The following DPP10 variants were observed in gnomAD, a reference collection of about 807,000 sequenced individuals.
The protein encoded by DPP10 is dipeptidyl peptidase like 10.
In DPP10, 33 loss-of-function variants were observed where a neutral mutation model predicts 120.9. The observed-to-expected ratio is 0.27, with a 90% confidence interval of 0.21 to 0.37. DPP10 has a LOEUF of 0.37. Ranked by LOEUF, DPP10 falls within the 10% of genes least tolerant of loss-of-function variation. The pLI, the probability that DPP10 is intolerant of heterozygous loss-of-function variation, is 1.00. For missense variants in DPP10, 816 were observed against 942.8 expected, an observed-to-expected ratio of 0.87 and a Z score of 1.76; for synonymous variants, 337 against 326.1, an observed-to-expected ratio of 1.03 and a Z score of -0.36.
chr2:115,093,585 C>T (rs1055520438), intron 1 of DPP10, among the ~76,000 whole-genome samples: 12 of 151,946 alleles, frequency 7.9e-5, no homozygotes. Context: ...GGAAATAGTA[C>T]ATATCTAATA....
At chr2:115,523,181 G>A (rs1162980636) in intron 4 of DPP10, among the ~76,000 whole-genome samples, 1 of 151,598 alleles carries the variant, frequency 6.6e-6, no homozygotes, top group African/African-American at 2.4e-5. Flanking sequence ...TTTGTGTGCT[G>A]CATAAGCTTG....
At chr2:114,448,169 A>G (rs1195968401) in intron 1 of DPP10, among the ~76,000 whole-genome samples, 1 of 152,212 alleles carries the variant, frequency 6.6e-6, no homozygotes, top group Non-Finnish European at 1.5e-5. Flanking sequence ...TTTATAGCTT[A>G]GATCTTCATA....
intron 1 of DPP10, among the ~76,000 whole-genome samples, chr2:114,791,092 C>T (rs979742753): frequency 6.6e-6 from 1 of 152,058 alleles, no homozygotes; most frequent in Non-Finnish European, 1.5e-5. Context: ...GTAGCCAATT[C>T]CATATTCTGG....
At chr2:115,376,102 G>T (rs1414440470) in intron 3 of DPP10, among the ~76,000 whole-genome samples, 1 of 152,138 alleles carries the variant, frequency 6.6e-6, no homozygotes, top group Non-Finnish European at 1.5e-5. Context: ...AATTGTCTTG[G>T]TGGAGCTATA....
At chr2:114,462,227 A>T in intron 1 of DPP10, 1 of 807,840 alleles carries the variant, frequency 1.2e-6, no homozygotes, top group Non-Finnish European at 1.5e-6. Context: ...ACAGAGCCGT[A>T]TATACCACCC....
chr2:115,421,472 T>G (rs546671607), intron 3 of DPP10, among the ~76,000 whole-genome samples: 1 of 152,298 alleles, frequency 6.6e-6, no homozygotes, highest in Non-Finnish European at 1.5e-5. Flanking sequence ...GCAACATCAG[T>G]TTATTTATAT....
At chr2:115,797,943 A>ACG (rs1559166436) in intron 19 of DPP10, among the ~76,000 whole-genome samples, 1 of 132,200 alleles carries the variant, frequency 7.6e-6, no homozygotes, top group African/African-American at 2.8e-5. Context: ...ATGTGTATAT[A>ACG]TGTGTGTGTG....
chr2:115,319,260 T>TGA (rs2061944593), intron 2 of DPP10, among the ~76,000 whole-genome samples: 1 of 152,158 alleles, frequency 6.6e-6, no homozygotes, highest in Non-Finnish European at 1.5e-5. Flanking sequence ...GTTCATGATG[T>TGA]ATAAGCCTCT....
chr2:115,068,435 T>C (rs1162429755), intron 1 of DPP10, among the ~76,000 whole-genome samples: 1 of 152,192 alleles, frequency 6.6e-6, no homozygotes, highest in Non-Finnish European at 1.5e-5. Flanking sequence ...TTTTTGCTGT[T>C]GAGATCTTTG....
In DPP10 at chr2:115,750,319, A is replaced by G. The variant is rs985146769; in HGVS notation, c.951-2855A>G. Reference sequence around the variant, plus strand: ...CCTGGGGCAAGGAAAGAAAGGATATAGGAAGTGATTGAGTTAATAGATATA... The same window carrying G: ...CCTGGGGCAAGGAAAGAAAGGATATGGGAAGTGATTGAGTTAATAGATATA... On this transcript the variant is annotated intron_variant, in intron 10 of 25. Transcript: ENST00000410059. 1.1e-5 allele frequency: 6 copies of G among 522,034 alleles called. No homozygotes were observed. In the African/African-American group the frequency reaches 1.2e-4, roughly 11 times the overall value. The allele number at this position is 522,034 out of a possible 1,614,324, so 32.3% of individuals were successfully genotyped here. A position where few individuals can be genotyped will look rare whatever the true frequency, so the allele number is the denominator to read the frequency against.
intron 1 of DPP10, among the ~76,000 whole-genome samples, chr2:114,476,965 C>CT (rs111901011): frequency 0.065 from 9,515 of 146,888 alleles, 508 homozygotes; most frequent in African/African-American, 0.15. Context: ...AAAATTGATT[C>CT]TTTTTTTTTT....
At chr2:114,477,248 G>A (rs796379786) in intron 1 of DPP10, among the ~76,000 whole-genome samples, 111 of 152,062 alleles carry the variant, frequency 7.3e-4, no homozygotes, top group African/African-American at 2.3e-3. Flanking sequence ...GTGAGCCACT[G>A]CACCCAGCCA....
chr2:115,163,240 G>A (rs2052570977), intron 1 of DPP10, among the ~76,000 whole-genome samples: 1 of 152,332 alleles, frequency 6.6e-6, no homozygotes, highest in Non-Finnish European at 1.5e-5. Context: ...AATCGCCCAG[G>A]AGTGGTGGCG....
At chr2:115,574,194 G>A (rs1456145511) in intron 5 of DPP10, among the ~76,000 whole-genome samples, 1 of 151,970 alleles carries the variant, frequency 6.6e-6, no homozygotes, top group Non-Finnish European at 1.5e-5. Context: ...GGATTAATTA[G>A]CCCTCTTCCT....
chr2:114,838,421 C>G (rs1279797022), intron 1 of DPP10, among the ~76,000 whole-genome samples: 4 of 152,078 alleles, frequency 2.6e-5, no homozygotes. Flanking sequence ...TTGAGCGACC[C>G]TCCCACCTCA....
chr2:115,119,924 G>T (rs182743771), intron 1 of DPP10, among the ~76,000 whole-genome samples: 3 of 152,202 alleles, frequency 2.0e-5, no homozygotes, highest in African/African-American at 7.2e-5. Flanking sequence ...AATTTAGCCA[G>T]TTCTGAGTGT....
chr2:115,262,699 T>C (rs1046105646), intron 1 of DPP10, among the ~76,000 whole-genome samples: 4 of 152,152 alleles, frequency 2.6e-5, no homozygotes, highest in Non-Finnish European at 5.9e-5. Context: ...CCTGGATAAA[T>C]TGCATGCTTA....
chr2:115,573,506 T>C (rs937184472), intron 5 of DPP10, among the ~76,000 whole-genome samples: 2 of 150,954 alleles, frequency 1.3e-5, no homozygotes, highest in African/African-American at 4.9e-5. Flanking sequence ...TTGGTCTCGA[T>C]CTCCTGACCT....
At chr2:115,366,647 G>T (rs2065095654) in intron 3 of DPP10, among the ~76,000 whole-genome samples, 1 of 151,940 alleles carries the variant, frequency 6.6e-6, no homozygotes, top group Non-Finnish European at 1.5e-5. Context: ...GTTCCTGTTT[G>T]TCTTTGAAGG....
Sources: gnomAD v4.1 joint callset for allele counts (sites outside exome capture counted in the v4.1 genomes callset) on GRCh38, gnomAD v4.1.1 for gene constraint, MANE v1.5 for transcripts, NCBI Gene and HGNC (gene_info 2026-07-23, HGNC 2026-07-21) for gene names.